Variants in GABRB3 observed in about 807,000 individuals in gnomAD.
GABRB3 encodes gamma-aminobutyric acid receptor subunit beta-3.
A neutral mutation model predicts 52.1 loss-of-function variants in GABRB3; 14 were observed. The observed-to-expected ratio is 0.27, with a 90% CI of 0.18 to 0.42. The LOEUF (loss-of-function observed/expected upper bound fraction) is 0.42, where lower values mean the gene tolerates loss of function less well. Among genes scored for constraint, GABRB3 ranks in the 10% least tolerant of loss-of-function variants. The pLI, the probability that GABRB3 is intolerant of heterozygous loss-of-function variation, is 1.00. For missense variants in GABRB3, 307 were observed against 609.1 expected (o/e 0.50, Z 5.22); for synonymous variants, 260 against 232.3 (o/e 1.12, Z -1.08).
At chr15:26,641,147 A>G (rs1173122844) in intron 3 of GABRB3, among the ~76,000 whole-genome samples, 2 of 152,184 alleles carry the variant, frequency 1.3e-5, no homozygotes, top group African/African-American at 4.8e-5. Flanking sequence ...ATCTATGAAG[A>G]TCCGTAGACT....
chr15:26,561,225 C>A (rs1233652452), intron 7 of GABRB3, 49 bp from the exon 8 acceptor site: 1 of 1,608,964 alleles, frequency 6.2e-7, no homozygotes, highest in South Asian at 1.1e-5. Flanking sequence ...CCACATTGGT[C>A]TTCACTTTTC....
chr15:26,746,342 T>A (rs1300190209), intron 3 of GABRB3, among the ~76,000 whole-genome samples: 1 of 152,182 alleles, frequency 6.6e-6, no homozygotes, highest in African/African-American at 2.4e-5. Flanking sequence ...GAATTCTTTA[T>A]ATACTCCAAG....
At chr15:26,743,838 C>T (rs970408) in intron 3 of GABRB3, among the ~76,000 whole-genome samples, 22,345 of 152,156 alleles carry the variant, frequency 0.15, 2,037 homozygotes, top group East Asian at 0.3. Flanking sequence ...GAGATGAATG[C>T]AGATGCACAC....
At chr15:26,764,795 G>A (rs1259501215) in intron 3 of GABRB3, among the ~76,000 whole-genome samples, 1 of 152,134 alleles carries the variant, frequency 6.6e-6, no homozygotes. Context: ...TGCTGAGTGG[G>A]CAGGCGGAAG....
chr15:26,638,948 A>G (rs1640643634), intron 3 of GABRB3, among the ~76,000 whole-genome samples: 1 of 152,170 alleles, frequency 6.6e-6, no homozygotes, highest in South Asian at 2.1e-4. Flanking sequence ...GCAAGAACAC[A>G]GTCTTCCACT....
At chr15:26,751,282 A>G (rs1453916424) in intron 3 of GABRB3, among the ~76,000 whole-genome samples, 1 of 152,198 alleles carries the variant, frequency 6.6e-6, no homozygotes, top group Non-Finnish European at 1.5e-5. Context: ...AATATTTAAA[A>G]TAATAACCTT....
intron 4 of GABRB3, among the ~76,000 whole-genome samples, chr15:26,604,430 T>A (rs1018237555): frequency 6.6e-6 from 1 of 152,120 alleles, no homozygotes; most frequent in East Asian, 1.9e-4. Context: ...AAAATTTATA[T>A]GGAATCATAA....
intron 3 of GABRB3, among the ~76,000 whole-genome samples, chr15:26,644,864 G>A (rs1348823894): frequency 1.3e-5 from 2 of 152,222 alleles, no homozygotes; most frequent in South Asian, 4.1e-4. Flanking sequence ...ACATCAGCAT[G>A]TGATGGAGAC....
At chr15:26,772,842 C>G (rs1473504642) in intron 1 of GABRB3, 41 bp downstream of exon 1, 1 of 1,456,684 alleles carries the variant, frequency 6.9e-7, no homozygotes, top group African/African-American at 1.5e-5. Context: ...CCGCGCACCC[C>G]GCGCCCTGCC....
At chr15:26,548,686 C>T (rs1291888508) in intron 8 of GABRB3, among the ~76,000 whole-genome samples, 2 of 152,182 alleles carry the variant, frequency 1.3e-5, no homozygotes, top group Non-Finnish European at 2.9e-5. Flanking sequence ...TTGCCCAATA[C>T]TGGTTCTGGC....
intron 3 of GABRB3, among the ~76,000 whole-genome samples, chr15:26,654,456 C>A (rs1566792286): frequency 6.7e-6 from 1 of 150,250 alleles, no homozygotes; most frequent in Non-Finnish European, 1.5e-5. Flanking sequence ...AACAAAGGTG[C>A]TCTTAAAAAT....
At chr15:26,750,319 T>C (rs900063287) in intron 3 of GABRB3, among the ~76,000 whole-genome samples, 11 of 152,208 alleles carry the variant, frequency 7.2e-5, no homozygotes, top group African/African-American at 2.4e-4. Context: ...TTAGCAGTAG[T>C]GGAATACTAA....
intron 4 of GABRB3, among the ~76,000 whole-genome samples, chr15:26,607,720 T>A (rs1891891014): frequency 6.6e-6 from 1 of 152,044 alleles, no homozygotes; most frequent in African/African-American, 2.4e-5. Context: ...AACAATCCCA[T>A]TTACAATAGT....
At chr15:26,624,449 C>T in intron 3 of GABRB3, 1 of 985,476 alleles carries the variant, frequency 1.0e-6, no homozygotes, top group Non-Finnish European at 1.2e-6. Flanking sequence ...TCGCACATGG[C>T]TTGCCACAAG....
intron 8 of GABRB3, among the ~76,000 whole-genome samples, chr15:26,555,947 C>A (rs1428167195): frequency 6.6e-6 from 1 of 152,086 alleles, no homozygotes; most frequent in African/African-American, 2.4e-5. Context: ...TACTAAAAAT[C>A]TGTTAAATCT....
intron 3 of GABRB3, among the ~76,000 whole-genome samples, chr15:26,684,367 G>A (rs1888335215): frequency 6.6e-6 from 1 of 152,164 alleles, no homozygotes; most frequent in Admixed American, 6.5e-5. Context: ...GTCAATCTAG[G>A]TGAGGAGAAC....
chr15:26,699,556 T>A (rs566504636), intron 3 of GABRB3, among the ~76,000 whole-genome samples: 1 of 151,544 alleles, frequency 6.6e-6, no homozygotes, highest in Non-Finnish European at 1.5e-5. Context: ...AAAGTTATTA[T>A]AAGTCTATTC....
intron 3 of GABRB3, among the ~76,000 whole-genome samples, chr15:26,742,469 C>T (rs1010452343): frequency 2.0e-5 from 3 of 151,726 alleles, no homozygotes; most frequent in African/African-American, 7.3e-5. Flanking sequence ...TCTCCCAAGT[C>T]CTTTTAAAAT....
intron 3 of GABRB3, among the ~76,000 whole-genome samples, chr15:26,628,673 C>CAAAA (rs71420014): frequency 2.0e-5 from 3 of 149,184 alleles, no homozygotes; most frequent in African/African-American, 4.9e-5. Context: ...GCTATTTTCG[C>CAAAA]AAAAAAAACA....
Sources: allele counts gnomAD v4.1 joint callset (sites outside exome capture counted in the v4.1 genomes callset), GRCh38; gene constraint gnomAD v4.1.1; transcripts MANE v1.5; gene names NCBI Gene and HGNC (gene_info 2026-07-23, HGNC 2026-07-21).